The following ASTN2 variants were observed in gnomAD, a reference collection of about 807,000 sequenced individuals.
ASTN2 encodes the protein astrotactin 2.
A neutral mutation model predicts 139.8 loss-of-function variants in ASTN2; 54 were observed. The observed-to-expected ratio is 0.39, with a 90% CI of 0.31 to 0.48. ASTN2 has a LOEUF of 0.48. Among genes scored for constraint, ASTN2 ranks in the 20% least tolerant of loss-of-function variants. The pLI is 0.95. For synonymous variants in ASTN2, 756 were observed against 719.5 expected, an observed-to-expected ratio of 1.05 and a Z score of -0.81; for missense variants, 1,565 against 1,725.1, an observed-to-expected ratio of 0.91 and a Z score of 1.64.
chr9:117,358,489 C>T (rs887406442), intron 1 of ASTN2, among the ~76,000 whole-genome samples: 7 of 152,122 alleles, frequency 4.6e-5, no homozygotes, highest in Non-Finnish European at 1.0e-4. Flanking sequence ...AATCCCATTT[C>T]CTTCCCAATC....
chr9:117,152,634 G>C (rs1033663974), intron 3 of ASTN2, among the ~76,000 whole-genome samples: 2 of 152,100 alleles, frequency 1.3e-5, no homozygotes, highest in Non-Finnish European at 2.9e-5. Context: ...ATATAAAACT[G>C]TTGCTGACAG....
At chr9:117,016,612 ATATCTATCTATC>A (rs201317557) in intron 6 of ASTN2, among the ~76,000 whole-genome samples, 723 of 5,262 alleles carry the variant, frequency 0.14, 44 homozygotes, top group Non-Finnish European at 0.2. Flanking sequence ...ATCTATATCT[ATATCTATCTATC>A]TATATATATA....
intron 11 of ASTN2, among the ~76,000 whole-genome samples, chr9:116,846,137 G>A (rs1264839491): frequency 6.6e-6 from 1 of 152,176 alleles, no homozygotes; most frequent in Non-Finnish European, 1.5e-5. Flanking sequence ...CTATTTATAT[G>A]AGGTGCTTAT....
rs192813887 is a variant in ASTN2, at chr9:116,772,583, T to C, written c.2396+33049A>G. On this transcript the variant is annotated intron_variant, in intron 13 of 22. Coordinates refer to ENST00000313400, the MANE Select transcript of ASTN2 (RefSeq NM_001365068.1). ...CTTCAGGTCAGGTAAATGCCAACCA[T>C]GTAGTTGAGTCAGTGACTTAGAAAT... 1.3e-3 allele frequency among the ~76,000 whole-genome samples: 196 copies of C among 152,324 alleles called. 1 individual carries two copies. Among genetic ancestry groups the C allele is most frequent in the Middle Eastern group, 3.4e-3 (1 of 294 alleles).
chr9:117,055,497 A>C (rs1298272358), intron 5 of ASTN2, among the ~76,000 whole-genome samples: 2 of 152,200 alleles, frequency 1.3e-5, no homozygotes, highest in Non-Finnish European at 2.9e-5. Context: ...AAAAAACATA[A>C]AAAAAGATCT....
chr9:116,914,537 T>A (rs1335178472), intron 10 of ASTN2, among the ~76,000 whole-genome samples: 1 of 148,116 alleles, frequency 6.8e-6, no homozygotes, highest in Non-Finnish European at 1.5e-5. Context: ...TGCCAGACAC[T>A]GTAAAGTGTT....
At chr9:117,400,693 A>G (rs1041834647) in intron 1 of ASTN2, among the ~76,000 whole-genome samples, 1 of 152,214 alleles carries the variant, frequency 6.6e-6, no homozygotes, top group African/African-American at 2.4e-5. Flanking sequence ...AGAGAAGGAA[A>G]GGAGAAAGCT....
In ASTN2 at chr9:116,503,134, AAGG is replaced by A. The variant is rs560995970; in HGVS notation, c.3356-15637_3356-15635del. Among the ~76,000 whole-genome samples the A allele has an allele frequency of 2.7e-3, 403 of 150,952 alleles. 9 individuals are homozygous for A. The highest frequency in any genetic ancestry group is 8.3e-4 in the Non-Finnish European group (56 of 67,712). On this transcript the variant is annotated intron_variant, in intron 19 of 22. Transcript: ENST00000313400. ...AAAGGAAGGAGAAAGGAAAGAAGGG[AAGG>A]AAGTAAGGAAAGAAGAAAGGAGAAA...
chr9:117,236,018 T>A (rs1389352418), intron 2 of ASTN2, among the ~76,000 whole-genome samples: 1 of 152,180 alleles, frequency 6.6e-6, no homozygotes, highest in Non-Finnish European at 1.5e-5. Context: ...TTCATCTTAA[T>A]CCAAATCCAG....
chr9:116,521,156 C>T (rs1850853341), intron 19 of ASTN2, among the ~76,000 whole-genome samples: 1 of 151,964 alleles, frequency 6.6e-6, no homozygotes, highest in South Asian at 2.1e-4. Context: ...AAAAACAATC[C>T]TAAAATCTAT....
chr9:117,182,843 C>A (rs1399349999), intron 3 of ASTN2, among the ~76,000 whole-genome samples: 1 of 152,124 alleles, frequency 6.6e-6, no homozygotes, highest in Non-Finnish European at 1.5e-5. Context: ...GCCACATTGG[C>A]CTTCTAGGCC....
chr9:116,791,505 T>C (rs1830557951), intron 13 of ASTN2, among the ~76,000 whole-genome samples: 1 of 152,172 alleles, frequency 6.6e-6, no homozygotes, highest in Non-Finnish European at 1.5e-5. Context: ...AGCACATTAG[T>C]GCATTAGCAG....
At chr9:116,919,927 C>A (rs113801957) in intron 10 of ASTN2, among the ~76,000 whole-genome samples, 5 of 140,102 alleles carry the variant, frequency 3.6e-5, no homozygotes, top group African/African-American at 1.3e-4. Flanking sequence ...GGTGACAGAG[C>A]GAGAATCTGT....
intron 2 of ASTN2, among the ~76,000 whole-genome samples, chr9:117,247,238 G>C (rs181443375): frequency 1.5e-4 from 23 of 152,326 alleles, no homozygotes; most frequent in African/African-American, 4.3e-4. Flanking sequence ...AACTTGTAAA[G>C]ATAAAGACAA....
intron 3 of ASTN2, among the ~76,000 whole-genome samples, chr9:117,194,954 CCATT>C (rs61477567): frequency 0.97 from 147,382 of 151,432 alleles, 71,747 homozygotes; most frequent in Non-Finnish European, 0.99. Flanking sequence ...ATCCATCAGT[CCATT>C]CATTCATTCA....
intron 5 of ASTN2, among the ~76,000 whole-genome samples, chr9:117,050,660 A>G (rs1168961243): frequency 6.6e-6 from 1 of 152,248 alleles, no homozygotes; most frequent in Admixed American, 6.5e-5. Context: ...AGACCTATTG[A>G]TACTCAAAGT....
At chr9:116,802,244 G>A (rs1331270572) in intron 13 of ASTN2, among the ~76,000 whole-genome samples, 6 of 151,642 alleles carry the variant, frequency 4.0e-5, no homozygotes, top group African/African-American at 7.3e-5. Context: ...CCGCCACCAC[G>A]CCCGGCTAAT....
At chr9:116,694,527 C>T (rs1008887940) in intron 16 of ASTN2, among the ~76,000 whole-genome samples, 3 of 137,728 alleles carry the variant, frequency 2.2e-5, no homozygotes, top group Non-Finnish European at 4.5e-5. Flanking sequence ...AGTGGCGCGT[C>T]TCGGCTCACT....
intron 20 of ASTN2, among the ~76,000 whole-genome samples, chr9:116,448,480 T>C (rs1290916085): frequency 6.6e-6 from 1 of 152,224 alleles, no homozygotes; most frequent in Admixed American, 6.5e-5. Context: ...AGAGATAGGT[T>C]AGATCTAATA....
Sources: gnomAD v4.1 joint callset for allele counts (sites outside exome capture counted in the v4.1 genomes callset) on GRCh38, gnomAD v4.1.1 for gene constraint, MANE v1.5 for transcripts, NCBI Gene and HGNC (gene_info 2026-07-23, HGNC 2026-07-21) for gene names.